Variants in CPEB3 observed in about 807,000 individuals in gnomAD.
CPEB3 encodes the protein cytoplasmic polyadenylation element binding protein 3, also known as cytoplasmic polyadenylation element-binding protein 3.
Under a neutral mutation model 67.2 loss-of-function variants are expected in CPEB3, and 20 were observed. The ratio of observed to expected loss-of-function variants is 0.30; its 90% CI spans 0.21 to 0.43. CPEB3 has a LOEUF of 0.43. CPEB3 is among the 20% of genes least tolerant of loss of function. CPEB3 has a pLI of 1.00. For missense variants in CPEB3, 746 were observed against 968.6 expected (o/e 0.77, Z 3.05); for synonymous variants, 376 against 393.1 (o/e 0.96, Z 0.51).
At chr10:92,219,190 CT>C (rs1024553871) in intron 2 of CPEB3, among the ~76,000 whole-genome samples, 1 of 152,124 alleles carries the variant, frequency 6.6e-6, no homozygotes, top group African/African-American at 2.4e-5. Flanking sequence ...GCTTGCTTGC[CT>C]ATGGCTTGCT....
chr10:92,201,357 G>A (rs1023102649), intron 2 of CPEB3, among the ~76,000 whole-genome samples: 12 of 152,090 alleles, frequency 7.9e-5, no homozygotes, highest in Admixed American at 1.3e-4. Context: ...GTGAAACCCC[G>A]TCTCTACTAA....
chr10:92,163,471 C>A lies in CPEB3; in HGVS notation c.1222+17492G>T, dbSNP rs116453956. ...TGATAAAATCAGTTTTTAAGAAACA[C>A]CTTGCAACTTATTTTTTGAATCACC... On this transcript the variant is annotated intron_variant, in intron 4 of 9. Coordinates refer to ENST00000265997, the MANE Select transcript of CPEB3 (RefSeq NM_014912.5). Among the ~76,000 whole-genome samples, 1,036 of 152,122 alleles carry A rather than the reference C, an allele frequency of 6.8e-3. 9 individuals carry two copies. Among genetic ancestry groups the A allele is most frequent in the African/African-American group, 0.024 (999 of 41,480 alleles).
intron 4 of CPEB3, 39 bp from the exon 5 acceptor site, chr10:92,145,124 G>A (rs779014731): frequency 6.2e-6 from 10 of 1,608,406 alleles, no homozygotes; most frequent in Non-Finnish European, 7.7e-6. Flanking sequence ...TGAAACAAAT[G>A]TGGGAGTTTC....
chr10:92,219,511 T>C (rs1850594633), intron 2 of CPEB3, among the ~76,000 whole-genome samples: 1 of 152,236 alleles, frequency 6.6e-6, no homozygotes, highest in Non-Finnish European at 1.5e-5. Flanking sequence ...CCTTTAATCC[T>C]AACCACAGGC....
At chr10:92,092,695 G>T (rs553479195) in intron 7 of CPEB3, among the ~76,000 whole-genome samples, 1 of 151,896 alleles carries the variant, frequency 6.6e-6, no homozygotes, top group South Asian at 2.1e-4. Context: ...CATGAGAATC[G>T]CTTGAACCCA....
In CPEB3 at chr10:92,075,484, T is replaced by C. The variant is rs141074837; in HGVS notation, c.1869+5836A>G. Among the ~76,000 whole-genome samples the C allele has an allele frequency of 1.1e-3, 163 of 152,354 alleles. 2 individuals carry two copies. The highest frequency in any genetic ancestry group is 1.5e-3 in the Non-Finnish European group (100 of 68,038). ...ACAGATAGTGATGGCTACACAGTTATGTAAATATACGAAAAAACATGTAAT... is the reference window on the plus strand; with the variant it reads ...ACAGATAGTGATGGCTACACAGTTACGTAAATATACGAAAAAACATGTAAT... On this transcript the variant is annotated intron_variant, in intron 9 of 9. Transcript: ENST00000265997.
At chr10:92,136,940 A>T in intron 6 of CPEB3, 1 of 178,236 alleles carries the variant, frequency 5.6e-6, no homozygotes, top group Non-Finnish European at 1.2e-5. Context: ...CTGAAATGAG[A>T]TTGTTGACAG....
intron 3 of CPEB3, 89 bp from the exon 4 acceptor site, chr10:92,181,108 AAC>A: frequency 1.4e-6 from 1 of 728,320 alleles, no homozygotes; most frequent in South Asian, 1.6e-5. Context: ...AAAAATCTAA[AAC>A]AGATTAATCT....
At chr10:92,057,635 G>C (rs1842163342) in intron 9 of CPEB3, among the ~76,000 whole-genome samples, 1 of 152,230 alleles carries the variant, frequency 6.6e-6, no homozygotes, top group Admixed American at 6.5e-5. Context: ...GTTATGGCAG[G>C]TCTTAGGCAA....
At chr10:92,066,499 C>T (rs987185894) in intron 9 of CPEB3, among the ~76,000 whole-genome samples, 4 of 152,132 alleles carry the variant, frequency 2.6e-5, no homozygotes, top group African/African-American at 9.7e-5. Flanking sequence ...CTGGGCACCC[C>T]ATGAAAGGGC....
intron 6 of CPEB3, among the ~76,000 whole-genome samples, chr10:92,139,139 T>A (rs1846260077): frequency 6.6e-6 from 1 of 151,902 alleles, no homozygotes. Context: ...TAGCCAGGCA[T>A]GATGGCACAG....
chr10:92,166,374 G>T (rs933955195), intron 4 of CPEB3, among the ~76,000 whole-genome samples: 1 of 152,164 alleles, frequency 6.6e-6, no homozygotes, highest in African/African-American at 2.4e-5. Context: ...CTCCCAAAGT[G>T]CTGGGATTAC....
intron 9 of CPEB3, among the ~76,000 whole-genome samples, chr10:92,057,783 G>A (rs1318086283): frequency 6.6e-6 from 1 of 152,224 alleles, no homozygotes; most frequent in Admixed American, 6.5e-5. Flanking sequence ...AGTAAGGGAA[G>A]AGAACAAGAA....
At chr10:92,258,207 A>C (rs1564913730) in intron 1 of CPEB3, among the ~76,000 whole-genome samples, 2 of 145,534 alleles carry the variant, frequency 1.4e-5, no homozygotes, top group East Asian at 2.1e-4. Context: ...TCATGCAATT[A>C]TCCTGCCTCA....
chr10:92,246,358 C>CA lies in CPEB3; in HGVS notation c.-11-5998dup, dbSNP rs754231757. Among the ~76,000 whole-genome samples the CA allele has an allele frequency of 1.6e-3, 243 of 150,852 alleles. 2 individuals are homozygous for CA. Among genetic ancestry groups the CA allele is most frequent in the Non-Finnish European group, 2.7e-3 (182 of 67,692 alleles). On this transcript the variant is annotated intron_variant, in intron 1 of 9. Coordinates refer to ENST00000265997, the MANE Select transcript of CPEB3 (RefSeq NM_014912.5). ...CAAAAACAAAAAAAAAAACGAAAAA[C>CA]AAAAAAATAAAATAAAATAAAAATA...
chr10:92,065,348 G>A (rs1050381886), intron 9 of CPEB3, among the ~76,000 whole-genome samples: 2 of 152,162 alleles, frequency 1.3e-5, no homozygotes, highest in African/African-American at 4.8e-5. Context: ...AGCCGCCCGA[G>A]TAGCTGGAAT....
chr10:92,104,543 C>T (rs77700046), intron 7 of CPEB3, among the ~76,000 whole-genome samples: 12,296 of 151,968 alleles, frequency 0.081, 707 homozygotes, highest in East Asian at 0.19. Flanking sequence ...CCTGCCACCA[C>T]GCCCAGCTAA....
chr10:92,073,586 G>T (rs1209239430), intron 9 of CPEB3, among the ~76,000 whole-genome samples: 1 of 152,014 alleles, frequency 6.6e-6, no homozygotes, highest in Non-Finnish European at 1.5e-5. Context: ...CTACTGGCAT[G>T]TGTCACCACA....
At chr10:92,150,831 A>G (rs1358879385) in intron 4 of CPEB3, among the ~76,000 whole-genome samples, 1 of 152,180 alleles carries the variant, frequency 6.6e-6, no homozygotes, top group Non-Finnish European at 1.5e-5. Context: ...ATATATTTCT[A>G]TGTGAGGAGG....
Sources: allele counts gnomAD v4.1 joint callset (sites outside exome capture counted in the v4.1 genomes callset), GRCh38; gene constraint gnomAD v4.1.1; transcripts MANE v1.5; gene names NCBI Gene and HGNC (gene_info 2026-07-23, HGNC 2026-07-21).